Variants in CDC27 observed in about 807,000 individuals in gnomAD.
The protein encoded by CDC27 is cell division cycle 27, also known as cell division cycle protein 27 homolog.
In CDC27, 27 loss-of-function variants were observed where a neutral mutation model predicts 109.7. That is an observed-to-expected ratio of 0.25 (90% CI 0.18 to 0.34). The LOEUF (loss-of-function observed/expected upper bound fraction) is 0.34, where lower values mean the gene tolerates loss of function less well. Ranked by LOEUF, CDC27 falls within the 10% of genes least tolerant of loss-of-function variation. The pLI is 1.00. For synonymous variants in CDC27, 266 were observed against 333.9 expected, an observed-to-expected ratio of 0.80 and a Z score of 2.22; for missense variants, 579 against 960.2, an observed-to-expected ratio of 0.60 and a Z score of 5.25.
chr17:47,166,418 C>G (rs2063648846), intron 4 of CDC27, among the ~76,000 whole-genome samples: 1 of 151,972 alleles, frequency 6.6e-6, no homozygotes, highest in Non-Finnish European at 1.5e-5. Flanking sequence ...TTTCAGCATA[C>G]ACATCCTTTC....
chr17:47,155,392 T>C (rs547990423), intron 7 of CDC27, among the ~76,000 whole-genome samples: 68 of 152,226 alleles, frequency 4.5e-4, no homozygotes, highest in African/African-American at 1.6e-3. Context: ...ATTACACGTA[T>C]GTGTCACCAT....
chr17:47,163,564 C>T (rs1315374681), intron 4 of CDC27, among the ~76,000 whole-genome samples: 1 of 152,078 alleles, frequency 6.6e-6, no homozygotes, highest in Non-Finnish European at 1.5e-5. Context: ...TAAAAGAACC[C>T]ATCCATATTC....
intron 12 of CDC27, 50 bp from the exon 13 acceptor site, chr17:47,138,941 A>G (rs1258601955): frequency 8.0e-7 from 1 of 1,253,410 alleles, no homozygotes; most frequent in Non-Finnish European, 1.1e-6. Flanking sequence ...CAATTTATAT[A>G]TATACACAGG....
intron 17 of CDC27, 40 bp from the exon 18 acceptor site, chr17:47,122,640 T>C (rs2148788117): frequency 6.7e-7 from 1 of 1,486,534 alleles, no homozygotes; most frequent in Non-Finnish European, 9.0e-7. Flanking sequence ...CATTAAGTTG[T>C]GAGCTTCAAC....
At chr17:47,137,805 C>CT (rs11464067) in intron 13 of CDC27, among the ~76,000 whole-genome samples, 55,284 of 144,316 alleles carry the variant, frequency 0.38, 10,878 homozygotes, top group Admixed American at 0.46. Context: ...CATTCTCTCT[C>CT]TTTTTTTTTT....
At chr17:47,181,253 T>TA (rs1719912257) in intron 2 of CDC27, 4 of 22,362 alleles carry the variant, frequency 1.8e-4, no homozygotes, top group Non-Finnish European at 3.0e-4. Context: ...AGACCCTGTT[T>TA]CAAAAAAAAA....
intron 4 of CDC27, chr17:47,161,985 C>T (rs2063512026): frequency 6.6e-6 from 1 of 152,158 alleles, no homozygotes; most frequent in South Asian, 2.1e-4. Context: ...CTTTCCTTTG[C>T]CTGATGGGCA....
intron 9 of CDC27, among the ~76,000 whole-genome samples, chr17:47,146,513 C>T (rs1054857849): frequency 6.6e-6 from 1 of 152,192 alleles, no homozygotes; most frequent in Non-Finnish European, 1.5e-5. Flanking sequence ...CTGGATCTCA[C>T]TCCAAGCTGG....
chr17:47,186,909 T>G (rs1002360180), intron 1 of CDC27, among the ~76,000 whole-genome samples: 33 of 149,308 alleles, frequency 2.2e-4, no homozygotes, highest in African/African-American at 7.9e-4. Context: ...GTCATCATAG[T>G]TTTTTTTTTA....
At chr17:47,145,022 T>C (rs2062913255) in intron 9 of CDC27, among the ~76,000 whole-genome samples, 1 of 152,200 alleles carries the variant, frequency 6.6e-6, no homozygotes, top group Non-Finnish European at 1.5e-5. Flanking sequence ...TAGCTAAAAG[T>C]ACTATGCCAT....
chr17:47,154,122 C>T (rs573255825), intron 8 of CDC27, among the ~76,000 whole-genome samples: 1 of 150,146 alleles, frequency 6.7e-6, no homozygotes, highest in African/African-American at 2.4e-5. Flanking sequence ...TGAAACTTGC[C>T]GCAATATTTA....
chr17:47,129,297 C>A, intron 16 of CDC27, 96 bp downstream of exon 16: 1 of 995,614 alleles, frequency 1.0e-6, no homozygotes, highest in South Asian at 1.9e-5. Flanking sequence ...TGTCTCAGAT[C>A]AAAATTAAAT....
chr17:47,184,816 G>A (rs2064369961), intron 1 of CDC27, among the ~76,000 whole-genome samples: 1 of 152,206 alleles, frequency 6.6e-6, no homozygotes, highest in South Asian at 2.1e-4. Flanking sequence ...AGTAGCTGAT[G>A]ATGAACAGGG....
Position 47,189,260 on chromosome 17 carries a change from C to G in CDC27, c.-88G>C. The G allele has an allele frequency of 9.8e-7, 1 of 1,024,544 alleles. No homozygotes were observed. The highest frequency in any genetic ancestry group is 2.0e-4 in the Middle Eastern group (1 of 4,934). The allele number at this position is 1,024,544 out of a possible 1,614,324, so 63.5% of individuals were successfully genotyped here. ...GCCAGCCCCTGCTCATTTAAACTCACCAGCGACCGTTACCGGGGGATGGGG... is the reference window on the plus strand; with the variant it reads ...GCCAGCCCCTGCTCATTTAAACTCAGCAGCGACCGTTACCGGGGGATGGGG... On this transcript the variant is annotated 5_prime_UTR_variant, in exon 1 of 19. Coordinates refer to ENST00000066544, the MANE Select transcript of CDC27 (RefSeq NM_001256.6).
At position 47,120,860 on chromosome 17, in the gene CDC27, A is replaced by G. The variant is rs1207318975; in HGVS notation, c.*75T>C. The stretch of plus-strand genomic sequence containing the variant: ...TGACACCGCCAGCTCAAGAGTAAAG[A>G]CTCAGTATACAGAGGGACAAGAAAC... On this transcript the variant is annotated 3_prime_UTR_variant, in exon 19 of 19. Transcript: ENST00000066544. The G allele has an allele frequency of 1.2e-5, 12 of 1,034,686 alleles. No homozygotes were observed. Among genetic ancestry groups the G allele is most frequent in the Non-Finnish European group, 1.6e-5 (11 of 668,656 alleles). The allele number at this position is 1,034,686 out of a possible 1,614,324, so 64.1% of individuals were successfully genotyped here.
At chr17:47,142,823 C>A (rs1324815577) in intron 10 of CDC27, among the ~76,000 whole-genome samples, 6 of 152,196 alleles carry the variant, frequency 3.9e-5, no homozygotes, top group Admixed American at 3.9e-4. Flanking sequence ...AGATTACAGG[C>A]ATGAGCCACC....
At chr17:47,188,994 C>T in intron 1 of CDC27, 152 bp downstream of exon 1, 1 of 1,492,818 alleles carries the variant, frequency 6.7e-7, no homozygotes, top group Non-Finnish European at 9.0e-7. Context: ...TGGGCAAGGC[C>T]TCCGAACTGA....
intron 13 of CDC27, among the ~76,000 whole-genome samples, chr17:47,137,925 C>T (rs568391537): frequency 6.6e-6 from 1 of 152,086 alleles, no homozygotes; most frequent in African/African-American, 2.4e-5. Context: ...CTCAGCCTCC[C>T]GAGCAGCTGG....
intron 7 of CDC27, among the ~76,000 whole-genome samples, chr17:47,156,476 C>T (rs752138213): frequency 2.7e-5 from 4 of 150,910 alleles, no homozygotes; most frequent in Non-Finnish European, 5.9e-5. Context: ...GAGTTGGAGT[C>T]TTGGTCTGTC....
Sources: gnomAD v4.1 joint callset for allele counts (sites outside exome capture counted in the v4.1 genomes callset) on GRCh38, gnomAD v4.1.1 for gene constraint, MANE v1.5 for transcripts, NCBI Gene and HGNC (gene_info 2026-07-23, HGNC 2026-07-21) for gene names.